Variants in SCAPER observed in about 807,000 individuals in gnomAD.
SCAPER encodes the protein S phase cyclin A-associated protein in the endoplasmic reticulum.
Under a neutral mutation model 182.2 loss-of-function variants are expected in SCAPER, and 98 were observed. The observed-to-expected ratio is 0.54, with a 90% CI of 0.46 to 0.64. The LOEUF (loss-of-function observed/expected upper bound fraction) is 0.64. SCAPER is among the 30% of genes least tolerant of loss of function. The pLI is 0.00. For missense variants in SCAPER, 1,432 were observed against 1,690.0 expected, an observed-to-expected ratio of 0.85 and a Z score of 2.68; for synonymous variants, 605 against 564.6, an observed-to-expected ratio of 1.07 and a Z score of -1.01.
At chr15:76,376,388 C>A in intron 28 of SCAPER, 77 bp from the exon 29 acceptor site, 2 of 1,439,984 alleles carry the variant, frequency 1.4e-6, no homozygotes, top group South Asian at 2.8e-5. Flanking sequence ...CAAGACTGGC[C>A]CTGTGTACTT....
intron 23 of SCAPER, among the ~76,000 whole-genome samples, chr15:76,542,578 T>A (rs1186975619): frequency 6.0e-5 from 9 of 148,774 alleles, no homozygotes; most frequent in Non-Finnish European, 8.9e-5. Context: ...TAAAATAAAA[T>A]AAAAAAAAGA....
chr15:76,863,882 T>C (rs1232940460), intron 2 of SCAPER, among the ~76,000 whole-genome samples: 1 of 152,158 alleles, frequency 6.6e-6, no homozygotes, highest in Non-Finnish European at 1.5e-5. Flanking sequence ...CCAGCTGTCA[T>C]GCCATGAGAA....
intron 25 of SCAPER, among the ~76,000 whole-genome samples, chr15:76,458,231 C>T (rs1205695526): frequency 6.6e-6 from 1 of 151,850 alleles, no homozygotes; most frequent in Admixed American, 6.6e-5. Flanking sequence ...CACACACACA[C>T]ATATACCCAC....
At chr15:76,363,733 G>A (rs961069235) in intron 29 of SCAPER, among the ~76,000 whole-genome samples, 1 of 152,178 alleles carries the variant, frequency 6.6e-6, no homozygotes, top group Admixed American at 6.5e-5. Flanking sequence ...ACAGCAGAGA[G>A]AGTTTGTAAA....
At chr15:76,857,766 T>C in intron 4 of SCAPER, 43 bp downstream of exon 4, 1 of 1,168,936 alleles carries the variant, frequency 8.6e-7, no homozygotes, top group Non-Finnish European at 1.2e-6. Context: ...ATTCAGAAAT[T>C]GAAATTAAAA....
intron 27 of SCAPER, among the ~76,000 whole-genome samples, chr15:76,399,619 G>C (rs1006995704): frequency 6.6e-6 from 1 of 152,140 alleles, no homozygotes; most frequent in South Asian, 2.1e-4. Context: ...ACTAAGCCTG[G>C]TACAAGTCAT....
intron 21 of SCAPER, among the ~76,000 whole-genome samples, chr15:76,637,738 ATATATGTGTGTGTGTG>A (rs1471695186): frequency 2.4e-4 from 7 of 28,724 alleles, no homozygotes; most frequent in Admixed American, 6.5e-4. Flanking sequence ...ATATATATAT[ATATATGTGTGTGTGTG>A]TGTGTGTGTG....
At chr15:76,495,435 G>T (rs1003962806) in intron 24 of SCAPER, among the ~76,000 whole-genome samples, 1 of 151,790 alleles carries the variant, frequency 6.6e-6, no homozygotes, top group Admixed American at 6.6e-5. Context: ...AAAATTACCC[G>T]GGCATGGTGG....
chr15:76,645,242 T>C (rs2054449058), intron 21 of SCAPER, among the ~76,000 whole-genome samples: 1 of 151,986 alleles, frequency 6.6e-6, no homozygotes, highest in Admixed American at 6.6e-5. Context: ...CTGCAGGGGG[T>C]CCTAGAACCA....
At chr15:76,712,698 C>T (rs994318643) in intron 17 of SCAPER, among the ~76,000 whole-genome samples, 1 of 152,024 alleles carries the variant, frequency 6.6e-6, no homozygotes, top group East Asian at 1.9e-4. Context: ...CTCTTTGAAG[C>T]AATTGTGAAT....
intron 21 of SCAPER, among the ~76,000 whole-genome samples, chr15:76,642,043 C>G (rs2054147543): frequency 6.6e-6 from 1 of 152,096 alleles, no homozygotes; most frequent in Non-Finnish European, 1.5e-5. Flanking sequence ...ATGTTAACCT[C>G]CCAGAATTAT....
At chr15:76,655,921 A>C (rs1364708528) in intron 21 of SCAPER, among the ~76,000 whole-genome samples, 1 of 152,172 alleles carries the variant, frequency 6.6e-6, no homozygotes, top group Non-Finnish European at 1.5e-5. Context: ...GAAATAGAAA[A>C]GATTATCATG....
intron 29 of SCAPER, among the ~76,000 whole-genome samples, chr15:76,360,077 T>G (rs1190025472): frequency 6.6e-6 from 1 of 152,174 alleles, no homozygotes; most frequent in African/African-American, 2.4e-5. Flanking sequence ...GAAATTAGGA[T>G]TACAATCCTC....
intron 5 of SCAPER, 114 bp from the exon 6 acceptor site, chr15:76,804,747 G>T: frequency 1.9e-6 from 1 of 530,684 alleles, no homozygotes; most frequent in Non-Finnish European, 3.1e-6. Context: ...ACTCTTCAAT[G>T]AAAAAGCTGC....
At chr15:76,892,506 C>T (rs1336098773) in intron 1 of SCAPER, among the ~76,000 whole-genome samples, 2 of 152,118 alleles carry the variant, frequency 1.3e-5, no homozygotes, top group African/African-American at 2.4e-5. Flanking sequence ...AAAAAGTGGG[C>T]GAAGGATATG....
At chr15:76,778,138 G>T (rs1568104756) in intron 8 of SCAPER, among the ~76,000 whole-genome samples, 1 of 152,084 alleles carries the variant, frequency 6.6e-6, no homozygotes, top group Non-Finnish European at 1.5e-5. Context: ...CATAAGTTGG[G>T]ACTCATATGT....
intron 22 of SCAPER, among the ~76,000 whole-genome samples, chr15:76,580,227 C>T (rs907704306): frequency 6.6e-6 from 1 of 152,132 alleles, no homozygotes; most frequent in Non-Finnish European, 1.5e-5. Context: ...ACACATTCTT[C>T]TCCTTAGCAC....
At chr15:76,868,040 T>C (rs542554857) in intron 2 of SCAPER, among the ~76,000 whole-genome samples, 2 of 147,306 alleles carry the variant, frequency 1.4e-5, no homozygotes, top group South Asian at 2.1e-4. Context: ...AGTCATAAGA[T>C]AAAAAAAAAA....
chr15:76,686,338 T>TA (rs2147071013), intron 20 of SCAPER, among the ~76,000 whole-genome samples: 1 of 152,032 alleles, frequency 6.6e-6, no homozygotes, highest in Non-Finnish European at 1.5e-5. Context: ...ATCATGCAAA[T>TA]AAAAATCAAG....
Sources: allele counts gnomAD v4.1 joint callset (sites outside exome capture counted in the v4.1 genomes callset), GRCh38; gene constraint gnomAD v4.1.1; transcripts MANE v1.5; gene names NCBI Gene and HGNC (gene_info 2026-07-23, HGNC 2026-07-21).